Variants in PDE4B observed in about 807,000 individuals in gnomAD.
PDE4B encodes phosphodiesterase 4B.
A neutral mutation model predicts 82.2 loss-of-function variants in PDE4B; 20 were observed. That is an observed-to-expected ratio of 0.24 (90% confidence interval 0.17 to 0.35). The LOEUF (loss-of-function observed/expected upper bound fraction) is 0.35. PDE4B is among the 10% of genes least tolerant of loss of function. PDE4B has a pLI of 1.00. For missense variants in PDE4B, 655 were observed against 907.2 expected, an observed-to-expected ratio of 0.72 and a Z score of 3.57; for synonymous variants, 320 against 318.9, an observed-to-expected ratio of 1.00 and a Z score of -0.04.
intron 3 of PDE4B, among the ~76,000 whole-genome samples, chr1:66,246,668 C>G (rs1276789012): frequency 6.6e-6 from 1 of 152,154 alleles, no homozygotes; most frequent in Non-Finnish European, 1.5e-5. Context: ...CTCTACTGCT[C>G]CCGTCTGTGT....
At chr1:66,008,933 C>T (rs1652310863) in intron 3 of PDE4B, among the ~76,000 whole-genome samples, 1 of 152,050 alleles carries the variant, frequency 6.6e-6, no homozygotes, top group Non-Finnish European at 1.5e-5. Flanking sequence ...CTCCCTAGGC[C>T]AAGTATCTCA....
At position 65,924,572 on chromosome 1, in the gene PDE4B, A is replaced by C. The variant is rs926038719; in HGVS notation, c.281+5737A>C. ...CCAACATTTACTGGCTTAAAATAACATTTTTATCTCAGAGTTTCTATGAAT... is the reference window on the plus strand; with the variant it reads ...CCAACATTTACTGGCTTAAAATAACCTTTTTATCTCAGAGTTTCTATGAAT... On this transcript the variant is annotated intron_variant, in intron 3 of 16. Coordinates refer to ENST00000341517, the MANE Select transcript of PDE4B (RefSeq NM_002600.4). Among the ~76,000 whole-genome samples the C allele has an allele frequency of 2.0e-5, 3 of 152,128 alleles. No homozygotes were observed. The South Asian group carries it at 6.2e-4, about 32-fold the overall frequency.
intron 3 of PDE4B, among the ~76,000 whole-genome samples, chr1:65,944,858 C>G (rs11208775): frequency 6.6e-6 from 1 of 151,650 alleles, no homozygotes; most frequent in Non-Finnish European, 1.5e-5. Flanking sequence ...GCATTCCTAC[C>G]AGAGAACATG....
chr1:66,110,775 T>G (rs1249540824), intron 3 of PDE4B, among the ~76,000 whole-genome samples: 1 of 152,098 alleles, frequency 6.6e-6, no homozygotes. Context: ...TAGTAAGCAC[T>G]CAATGTAAAT....
intron 8 of PDE4B, among the ~76,000 whole-genome samples, chr1:66,353,845 A>G (rs372388594): frequency 2.6e-5 from 4 of 152,314 alleles, no homozygotes; most frequent in African/African-American, 9.6e-5. Context: ...CTAAATCTCA[A>G]ACAATTCACC....
intron 4 of PDE4B, among the ~76,000 whole-genome samples, chr1:66,253,456 T>G (rs969359951): frequency 6.6e-6 from 1 of 152,212 alleles, no homozygotes; most frequent in Admixed American, 6.5e-5. Flanking sequence ...AAGACTGGAG[T>G]GCTCATTTCG....
intron 8 of PDE4B, among the ~76,000 whole-genome samples, chr1:66,338,465 T>A (rs1660691006): frequency 6.6e-6 from 1 of 152,188 alleles, no homozygotes; most frequent in African/African-American, 2.4e-5. Flanking sequence ...CTAAGCTCAG[T>A]CTTCTTGCCT....
intron 8 of PDE4B, among the ~76,000 whole-genome samples, chr1:66,333,883 A>G (rs1660314236): frequency 6.6e-6 from 1 of 152,182 alleles, no homozygotes; most frequent in Non-Finnish European, 1.5e-5. Flanking sequence ...TGGAAGGGAA[A>G]AAAAAAGAAA....
At chr1:66,172,008 C>T (rs1238285471) in intron 3 of PDE4B, among the ~76,000 whole-genome samples, 2 of 152,060 alleles carry the variant, frequency 1.3e-5, no homozygotes, top group African/African-American at 2.4e-5. Context: ...TTGTTACACT[C>T]GTATATTGTG....
intron 8 of PDE4B, among the ~76,000 whole-genome samples, chr1:66,350,614 A>C (rs1209252330): frequency 6.6e-6 from 1 of 152,108 alleles, no homozygotes; most frequent in Non-Finnish European, 1.5e-5. Context: ...GGACTGTTTT[A>C]TTCTCAAAAA....
intron 1 of PDE4B, among the ~76,000 whole-genome samples, chr1:65,856,824 A>T (rs1411670633): frequency 3.9e-5 from 6 of 152,112 alleles, no homozygotes; most frequent in Non-Finnish European, 8.8e-5. Flanking sequence ...TGAGATAGAG[A>T]TTCTTAAGCG....
intron 3 of PDE4B, among the ~76,000 whole-genome samples, chr1:66,047,318 A>G (rs1654771950): frequency 1.3e-5 from 2 of 151,812 alleles, no homozygotes; most frequent in Admixed American, 1.3e-4. Context: ...CACCTACCTT[A>G]CTGGGTTATT....
chr1:65,855,303 G>A (rs772394663), intron 1 of PDE4B, among the ~76,000 whole-genome samples: 38 of 151,988 alleles, frequency 2.5e-4, no homozygotes, highest in Non-Finnish European at 5.0e-4. Context: ...ACATTGTTGA[G>A]TATCTTGATT....
At chr1:66,353,366 A>G (rs570549640) in intron 8 of PDE4B, among the ~76,000 whole-genome samples, 6 of 152,334 alleles carry the variant, frequency 3.9e-5, no homozygotes, top group East Asian at 3.9e-4. Context: ...ACTGGCTTGC[A>G]TTGGCTTCAC....
intron 3 of PDE4B, among the ~76,000 whole-genome samples, chr1:66,150,864 T>C (rs1315471368): frequency 6.6e-6 from 1 of 152,212 alleles, no homozygotes; most frequent in African/African-American, 2.4e-5. Context: ...AAACCAACCT[T>C]GGATTCCTGG....
At chr1:65,879,459 A>G (rs1646686046) in intron 1 of PDE4B, among the ~76,000 whole-genome samples, 1 of 152,196 alleles carries the variant, frequency 6.6e-6, no homozygotes, top group Non-Finnish European at 1.5e-5. Context: ...TAAATAAATA[A>G]CATATAAAAC....
chr1:66,132,108 T>C (rs2101114545), intron 3 of PDE4B, among the ~76,000 whole-genome samples: 1 of 152,356 alleles, frequency 6.6e-6, no homozygotes, highest in Admixed American at 6.5e-5. Context: ...CTAGGTGTGA[T>C]GATAAGTTTT....
At chr1:66,229,854 C>T (rs998316439) in intron 3 of PDE4B, among the ~76,000 whole-genome samples, 9 of 152,138 alleles carry the variant, frequency 5.9e-5, no homozygotes, top group Non-Finnish European at 8.8e-5. Flanking sequence ...ATTTTATACA[C>T]GAGGAAACTA....
chr1:65,799,544 AT>A (rs1201592759), intron 1 of PDE4B, among the ~76,000 whole-genome samples: 1 of 152,216 alleles, frequency 6.6e-6, no homozygotes, highest in Non-Finnish European at 1.5e-5. Flanking sequence ...GTATTTATGG[AT>A]TCCTAGGAAA....
Sources: gnomAD v4.1 joint callset for allele counts (sites outside exome capture counted in the v4.1 genomes callset) on GRCh38, gnomAD v4.1.1 for gene constraint, MANE v1.5 for transcripts, NCBI Gene and HGNC (gene_info 2026-07-23, HGNC 2026-07-21) for gene names.